Variants in KLB observed in about 807,000 individuals in gnomAD.
The protein encoded by KLB is klotho beta, also known as beta-klotho.
In KLB, 44 loss-of-function variants were observed where a neutral mutation model predicts 88.4. That is an observed-to-expected ratio of 0.50 (90% CI 0.39 to 0.64). KLB has a LOEUF of 0.64. Ranked by LOEUF, KLB falls within the 30% of genes least tolerant of loss-of-function variation. KLB has a pLI of 0.00. For synonymous variants in KLB, 548 were observed against 513.4 expected (o/e 1.07, Z -0.91); for missense variants, 1,137 against 1,304.8 (o/e 0.87, Z 1.98).
At chr4:39,426,347 G>A (rs1560647955) in intron 1 of KLB, among the ~76,000 whole-genome samples, 1 of 133,256 alleles carries the variant, frequency 7.5e-6, no homozygotes, top group Non-Finnish European at 1.5e-5. Context: ...CCAGGGAGAA[G>A]AAGGTTGCAA....
In KLB at chr4:39,446,819, G is replaced by C. The variant is rs747701227; in HGVS notation, c.2093G>C (p.Ser698Thr). Reference protein sequence around the residue: ...WITINEPNRLSDIYNRSGNDT... With the variant: ...WITINEPNRLTDIYNRSGNDT... ...ACCATCAACGAGCCTAACCGGCTAA[G>C]TGACATCTACAACCGCTCTGGCAAC... Residue 698 changes from serine to threonine, a missense_variant, in exon 4 of 5, where the codon AGT (serine) becomes ACT (threonine). Transcript: ENST00000257408. This position sits in a 1 kb window ranked among gnomAD's most constrained non-coding sequence, Gnocchi z 6.4. 1 of 1,612,944 alleles carries C rather than the reference G, an allele frequency of 6.2e-7. No homozygotes were observed. Among genetic ancestry groups the C allele is most frequent in the Non-Finnish European group, 8.5e-7 (1 of 1,179,966 alleles).
chr4:39,444,275 C>G (rs1452920433), intron 3 of KLB, among the ~76,000 whole-genome samples: 3 of 116,424 alleles, frequency 2.6e-5, no homozygotes, highest in Non-Finnish European at 5.7e-5. Flanking sequence ...CATTTATTAG[C>G]TGGATGATGT....
At chr4:39,430,545 T>C (rs1384348109) in intron 1 of KLB, among the ~76,000 whole-genome samples, 3 of 151,292 alleles carry the variant, frequency 2.0e-5, no homozygotes, top group East Asian at 3.9e-4. Flanking sequence ...CAATCTCAGG[T>C]TGGAGACAAG....
chr4:39,445,504 CTTTTTT>C (rs10634518), intron 3 of KLB, among the ~76,000 whole-genome samples: 1 of 131,724 alleles, frequency 7.6e-6, no homozygotes, highest in African/African-American at 2.8e-5. Context: ...CTTTTCTTTT[CTTTTTT>C]TTTTTTTTTT....
At chr4:39,426,131 A>G (rs1183580056) in intron 1 of KLB, among the ~76,000 whole-genome samples, 1 of 152,070 alleles carries the variant, frequency 6.6e-6, no homozygotes, top group Non-Finnish European at 1.5e-5. Flanking sequence ...GGGCACCTGT[A>G]GTCCCAGCTA....
rs1483494777 is a variant in KLB, at chr4:39,451,461, GACT to G, written c.*2778_*2780del. On this transcript the variant is annotated 3_prime_UTR_variant, in exon 5 of 5. Transcript: ENST00000257408. ...CTGGAAAATGAGGCCAGTACAGTGT[GACT>G]ACATGTTTAATTTTCAATGTAATTT... The G allele has an allele frequency of 1.3e-5, 2 of 152,200 alleles. No individual in the cohort carries two copies. The highest frequency in any genetic ancestry group is 4.8e-5 in the African/African-American group (2 of 41,458). The allele number at this position is 152,200 out of a possible 1,614,324, so 9.4% of individuals were successfully genotyped here.
At chr4:39,448,191 C>A in intron 4 of KLB, 110 bp from the exon 5 acceptor site, 1 of 729,274 alleles carries the variant, frequency 1.4e-6, no homozygotes, top group Non-Finnish European at 2.2e-6. Flanking sequence ...ATAAAAATCA[C>A]TACCTTTATT....
Position 39,447,536 on chromosome 4 carries a change from AAAG to A in KLB, c.2749+64_2749+66del, listed in dbSNP as rs1743785115. ...GAGATTCCTGTTACCTGACAAGAAC[AAAG>A]AATGGGAGCAGCAGGCTGGTGCCTG... On this transcript the variant is annotated intron_variant, in intron 4 of 4. Coordinates refer to ENST00000257408, the MANE Select transcript of KLB (RefSeq NM_175737.4). The A allele has an allele frequency of 5.8e-6, 8 of 1,372,370 alleles. No homozygotes were observed. In the South Asian group the frequency reaches 9.9e-5, roughly 17 times the overall value. 85.0% of individuals were successfully genotyped at this position (1,372,370 alleles called of 1,614,324 possible). A position where few individuals can be genotyped will look rare whatever the true frequency, so the allele number is the denominator to read the frequency against.
At chr4:39,423,982 T>C (rs1251981134) in intron 1 of KLB, among the ~76,000 whole-genome samples, 9 of 151,824 alleles carry the variant, frequency 5.9e-5, no homozygotes, top group African/African-American at 2.2e-4. Context: ...CTGGGCAACA[T>C]AGTGAGACCC....
At position 39,407,712 on chromosome 4, in the gene KLB, C is replaced by CA. The variant is rs1445461926; in HGVS notation, c.764dup (p.His255GlnfsTer29). On this transcript the variant is annotated frameshift_variant, in exon 1 of 5. Coordinates refer to ENST00000257408, the MANE Select transcript of KLB (RefSeq NM_175737.4). LOFTEE classifies it high-confidence loss of function. ...TTGGCATGGGTATGGGACAGGTATGCATGCCCCTGGAGAGAAGGGAAATTT... is the reference window on the plus strand; with the variant it reads ...TTGGCATGGGTATGGGACAGGTATGCAATGCCCCTGGAGAGAAGGGAAATTT... 5.0e-6 allele frequency: 8 copies of CA among 1,612,846 alleles called. No homozygotes were observed. Among genetic ancestry groups the CA allele is most frequent in the Non-Finnish European group, 6.8e-6 (8 of 1,179,020 alleles).
rs556094751 is a variant in KLB, at chr4:39,417,199, C to CT, written c.825+9435dup. Among the ~76,000 whole-genome samples the CT allele has an allele frequency of 4.8e-3, 709 of 147,746 alleles. 5 individuals carry two copies. The highest frequency in any genetic ancestry group is 0.016 in the African/African-American group (643 of 40,422). On this transcript the variant is annotated intron_variant, in intron 1 of 4. Transcript: ENST00000257408. ...TCTTATAGCTAAAAAATTAGCCAAG[C>CT]TTTTTTTTTTGACAAAGGACGAAAG...
At position 39,448,860 on chromosome 4, in the gene KLB, T is replaced by C. The variant is rs953937790; in HGVS notation, c.*174T>C. On this transcript the variant is annotated 3_prime_UTR_variant, in exon 5 of 5. Transcript: ENST00000257408. ...AAGAACATTCCCTTAGGTGTTGACA[T>C]CAGTGAACTCAGTTCTTGGATGTAA... 1 of 605,174 alleles carries C rather than the reference T, an allele frequency of 1.7e-6. No homozygotes were observed. Among genetic ancestry groups the C allele is most frequent in the Admixed American group, 3.1e-5 (1 of 32,578 alleles). The allele number at this position is 605,174 out of a possible 1,614,324, so 37.5% of individuals were successfully genotyped here. A position where few individuals can be genotyped will look rare whatever the true frequency, so the allele number is the denominator to read the frequency against.
rs199671966 is a variant in KLB, at chr4:39,448,583, T to C, written c.3032T>C (p.Leu1011Pro). 38 of 1,614,064 alleles carry C rather than the reference T, an allele frequency of 2.4e-5. No individual in the cohort carries two copies. The highest frequency in any genetic ancestry group is 3.4e-6 in the Non-Finnish European group (4 of 1,180,034). The change falls in exon 5 of 5, where the codon CTC becomes CCC. Residue 1011 changes from leucine (L) to proline (P), a missense_variant. By Grantham distance (98) the Leu-to-Pro change is moderately conservative (BLOSUM62 -3). Around this residue, in one of 4 missense-constraint regions of KLB, gnomAD observed 426 missense variants for 404.6 expected, o/e 1.05. Transcript: ENST00000257408. Reference sequence around the variant, plus strand: ...TGCTTCTTCTCCACCCTGGTTCTACTCTTATCAATTGCCATTTTTCAAAGG... The same window carrying C: ...TGCTTCTTCTCCACCCTGGTTCTACCCTTATCAATTGCCATTTTTCAAAGG... Reference protein sequence around the residue: ...GCCFFSTLVLLLSIAIFQRQK... With the variant: ...GCCFFSTLVLPLSIAIFQRQK...
chr4:39,407,787 T>C lies in KLB; in HGVS notation c.825+13T>C, dbSNP rs1211611416. ...CAACTTGATCAAGGTACTGTACAGC[T>C]AGCTTCTTCTTATAGCTTCAGAAAA... On this transcript the variant is annotated intron_variant, in intron 1 of 4. Coordinates refer to ENST00000257408, the MANE Select transcript of KLB (RefSeq NM_175737.4). 2 of 1,422,376 alleles carry C rather than the reference T, an allele frequency of 1.4e-6. No homozygotes were observed. The highest frequency in any genetic ancestry group is 1.9e-6 in the Non-Finnish European group (2 of 1,051,792). 88.1% of individuals were successfully genotyped at this position (1,422,376 alleles called of 1,614,324 possible).
chr4:39,435,070 G>A (rs1743443916), intron 2 of KLB, among the ~76,000 whole-genome samples: 1 of 151,982 alleles, frequency 6.6e-6, no homozygotes, highest in Non-Finnish European at 1.5e-5. Flanking sequence ...GCCTCCCAAA[G>A]TGCTGGGATT....
rs900086347 is a variant in KLB at position 39,451,118 on chromosome 4, A to G, written c.*2432A>G. The G allele has an allele frequency of 6.6e-6, 1 of 152,180 alleles. No homozygotes were observed. The highest frequency in any genetic ancestry group is 1.5e-5 in the Non-Finnish European group (1 of 68,022). 9.4% of individuals were successfully genotyped at this position (152,180 alleles called of 1,614,324 possible). ...AGTCCTCCTTCTCTGCCACTTGGGC[A>G]TTATTTTACTAGTTTTTAAGCCATC... On this transcript the variant is annotated 3_prime_UTR_variant, in exon 5 of 5. Coordinates refer to ENST00000257408, the MANE Select transcript of KLB (RefSeq NM_175737.4).
intron 1 of KLB, among the ~76,000 whole-genome samples, chr4:39,419,618 C>A (rs1743034941): frequency 6.6e-6 from 1 of 151,660 alleles, no homozygotes; most frequent in Admixed American, 6.6e-5. Flanking sequence ...ACTGAAAATA[C>A]AAGAAAAATA....
intron 1 of KLB, among the ~76,000 whole-genome samples, chr4:39,408,460 CA>C (rs1157735245): frequency 6.6e-6 from 1 of 152,042 alleles, no homozygotes; most frequent in African/African-American, 2.4e-5. Context: ...AGTGAAAATA[CA>C]AGCAAAATAA....
intron 1 of KLB, among the ~76,000 whole-genome samples, chr4:39,409,455 T>C (rs1000175323): frequency 2.6e-5 from 4 of 151,240 alleles, no homozygotes; most frequent in Non-Finnish European, 4.4e-5. Flanking sequence ...ACCAGCCCAG[T>C]TAATTTTTGT....
Sources: allele counts gnomAD v4.1 joint callset (sites outside exome capture counted in the v4.1 genomes callset), GRCh38; gene constraint gnomAD v4.1.1; regional missense constraint gnomAD v4.1.1; non-coding constraint Gnocchi (gnomAD v3.1); transcripts MANE v1.5; gene names NCBI Gene and HGNC (gene_info 2026-07-23, HGNC 2026-07-21).